Variants in GPC5 observed in about 807,000 individuals in gnomAD.
The protein encoded by GPC5 is glypican 5, also known as glypican-5.
Under a neutral mutation model 53.9 loss-of-function variants are expected in GPC5, and 47 were observed. That is an observed-to-expected ratio of 0.87 (90% CI 0.69 to 1.11). The LOEUF is 1.11. GPC5 is among the 50% of genes most tolerant of loss of function. The pLI, the probability that GPC5 is intolerant of heterozygous loss-of-function variation, is 0.00. For synonymous variants in GPC5, 286 were observed against 263.3 expected, an observed-to-expected ratio of 1.09 and a Z score of -0.84; for missense variants, 748 against 713.1, an observed-to-expected ratio of 1.05 and a Z score of -0.56.
chr13:92,733,077 T>C lies in GPC5; in HGVS notation c.1562-133205T>C, dbSNP rs530916396. 9.2e-5 allele frequency among the ~76,000 whole-genome samples: 14 copies of C among 151,882 alleles called. No individual in the cohort carries two copies. The South Asian group carries it at 2.9e-3, about 31-fold the overall frequency. ...GGACAACAATTGAAGGATTCTTTAT[T>C]TGATAATCTTGCTCTCACTAATGAC... On this transcript the variant is annotated intron_variant, in intron 7 of 7. Transcript: ENST00000377067.
chr13:91,637,747 G>A (rs1228025682), intron 2 of GPC5, among the ~76,000 whole-genome samples: 1 of 152,172 alleles, frequency 6.6e-6, no homozygotes, highest in Non-Finnish European at 1.5e-5. Flanking sequence ...AGAATTCAAG[G>A]GGACCTTCGG....
chr13:91,862,593 A>G (rs949308993), intron 5 of GPC5, among the ~76,000 whole-genome samples: 2 of 152,200 alleles, frequency 1.3e-5, no homozygotes, highest in Admixed American at 1.3e-4. Context: ...TCTACAAACA[A>G]AATTGTGTGT....
At chr13:91,888,054 A>C (rs1353558285) in intron 5 of GPC5, among the ~76,000 whole-genome samples, 4 of 152,206 alleles carry the variant, frequency 2.6e-5, no homozygotes, top group African/African-American at 9.6e-5. Flanking sequence ...GCTATGAAGA[A>C]ATATGCGAGA....
intron 7 of GPC5, among the ~76,000 whole-genome samples, chr13:92,257,298 A>T (rs1049442423): frequency 2.6e-5 from 4 of 152,036 alleles, no homozygotes. Flanking sequence ...AGATTCCTTA[A>T]GTGGTGTGAC....
chr13:92,181,431 T>C (rs1189042222), intron 7 of GPC5, among the ~76,000 whole-genome samples: 2 of 152,214 alleles, frequency 1.3e-5, no homozygotes, highest in African/African-American at 4.8e-5. Flanking sequence ...TCCCTCTTGG[T>C]ATGCTAGATA....
chr13:92,311,911 A>G (rs2043147516), intron 7 of GPC5, among the ~76,000 whole-genome samples: 1 of 152,164 alleles, frequency 6.6e-6, no homozygotes, highest in South Asian at 2.1e-4. Context: ...AGGGTGAGGC[A>G]ATTCAGGCTG....
chr13:92,194,600 T>C (rs1027024797), intron 7 of GPC5, among the ~76,000 whole-genome samples: 45 of 152,356 alleles, frequency 3.0e-4, no homozygotes, highest in African/African-American at 9.9e-4. Context: ...AATTACATAA[T>C]GGCCATAGCT....
chr13:91,844,707 T>C (rs2038828348), intron 5 of GPC5, among the ~76,000 whole-genome samples: 1 of 152,052 alleles, frequency 6.6e-6, no homozygotes, highest in African/African-American at 2.4e-5. Flanking sequence ...TGTGTGTTTT[T>C]TATTTTGTTC....
At chr13:92,142,190 G>A (rs1239761242) in intron 6 of GPC5, among the ~76,000 whole-genome samples, 2 of 152,118 alleles carry the variant, frequency 1.3e-5, no homozygotes. Context: ...AGAACTTAAA[G>A]TATAATTTTT....
At chr13:92,071,507 A>G (rs935679871) in intron 6 of GPC5, among the ~76,000 whole-genome samples, 7 of 152,100 alleles carry the variant, frequency 4.6e-5, no homozygotes, top group Admixed American at 4.6e-4. Flanking sequence ...CAAATAGTTA[A>G]CCAGTTACCC....
intron 7 of GPC5, among the ~76,000 whole-genome samples, chr13:92,859,928 G>C (rs1045389340): frequency 1.3e-5 from 2 of 151,964 alleles, no homozygotes; most frequent in African/African-American, 2.4e-5. Context: ...ACTGTCAAAA[G>C]ATCTAAACAA....
intron 7 of GPC5, among the ~76,000 whole-genome samples, chr13:92,840,134 C>T (rs1018193154): frequency 2.3e-5 from 3 of 132,358 alleles, no homozygotes; most frequent in Non-Finnish European, 4.8e-5. Context: ...TGAGTACACA[C>T]AGTATTTGTC....
At chr13:91,741,809 A>C (rs1307485858) in intron 4 of GPC5, among the ~76,000 whole-genome samples, 3 of 152,200 alleles carry the variant, frequency 2.0e-5, no homozygotes, top group Non-Finnish European at 4.4e-5. Context: ...ACAAATATTC[A>C]GTGGATGAAA....
At chr13:91,756,724 T>A (rs1751733355) in intron 5 of GPC5, among the ~76,000 whole-genome samples, 1 of 152,178 alleles carries the variant, frequency 6.6e-6, no homozygotes, top group Admixed American at 6.5e-5. Flanking sequence ...GTCTGTTGTT[T>A]ACCAAATATT....
intron 7 of GPC5, among the ~76,000 whole-genome samples, chr13:92,228,864 G>A (rs1395626564): frequency 6.6e-6 from 1 of 152,026 alleles, no homozygotes; most frequent in African/African-American, 2.4e-5. Context: ...AGGTAACCAG[G>A]GAAGGTAACA....
At position 92,378,360 on chromosome 13, in the gene GPC5, T is replaced by A. The variant is rs149409528; in HGVS notation, c.1561+233371T>A. ...CCACTACAAAATCCATGGGTGTTCA[T>A]CATTTCATCATGAAAAGGAGGTTGG... On this transcript the variant is annotated intron_variant, in intron 7 of 7. Transcript: ENST00000377067. Among the ~76,000 whole-genome samples the A allele has an allele frequency of 1.6e-3, 249 of 152,332 alleles. 2 individuals carry two copies. The highest frequency in any genetic ancestry group is 5.7e-3 in the African/African-American group (236 of 41,580).
intron 7 of GPC5, among the ~76,000 whole-genome samples, chr13:92,420,561 G>A (rs1737579964): frequency 6.6e-6 from 1 of 151,820 alleles, no homozygotes; most frequent in South Asian, 2.1e-4. Context: ...TCACCCTGTT[G>A]TGCTATCAAA....
chr13:92,556,670 T>A (rs1453719283), intron 7 of GPC5, among the ~76,000 whole-genome samples: 1 of 151,852 alleles, frequency 6.6e-6, no homozygotes, highest in Non-Finnish European at 1.5e-5. Flanking sequence ...ACCCCTTTTT[T>A]TAATGTAGTA....
chr13:91,655,602 T>G (rs2034826215), intron 2 of GPC5, among the ~76,000 whole-genome samples: 1 of 152,076 alleles, frequency 6.6e-6, no homozygotes, highest in South Asian at 2.1e-4. Context: ...CTAGGTAGAC[T>G]TTATAATGTG....
Sources: gnomAD v4.1 joint callset for allele counts (sites outside exome capture counted in the v4.1 genomes callset) on GRCh38, gnomAD v4.1.1 for gene constraint, MANE v1.5 for transcripts, NCBI Gene and HGNC (gene_info 2026-07-23, HGNC 2026-07-21) for gene names.